The following AOPEP variants were observed in gnomAD, a reference collection of about 807,000 sequenced individuals.
The protein encoded by AOPEP is aminopeptidase O (putative).
In AOPEP, 77 loss-of-function variants were observed where a neutral mutation model predicts 98.1. The ratio of observed to expected loss-of-function variants is 0.78; its 90% confidence interval spans 0.65 to 0.95. AOPEP has a LOEUF of 0.95. AOPEP is among the 40% of genes least tolerant of loss of function. The probability of loss-of-function intolerance (pLI) is 0.00; values close to 1 mark genes in which losing one functional copy is unlikely to be tolerated. For synonymous variants in AOPEP, 346 were observed against 365.3 expected (o/e 0.95, Z 0.60); for missense variants, 1,024 against 1,024.7 (o/e 1.00, Z 0.01).
intron 5 of AOPEP, among the ~76,000 whole-genome samples, chr9:94,870,635 C>A (rs1165728863): frequency 6.6e-6 from 1 of 152,194 alleles, no homozygotes; most frequent in Non-Finnish European, 1.5e-5. Flanking sequence ...AGCAGTGAGC[C>A]AGCCTTGTCT....
chr9:94,820,087 A>G (rs1048945498), intron 5 of AOPEP, among the ~76,000 whole-genome samples: 1 of 151,646 alleles, frequency 6.6e-6, no homozygotes, highest in African/African-American at 2.4e-5. Flanking sequence ...CTGGGATTAC[A>G]GGTGCCCACC....
At chr9:95,028,451 A>T (rs1282790076) in intron 13 of AOPEP, among the ~76,000 whole-genome samples, 1 of 152,222 alleles carries the variant, frequency 6.6e-6, no homozygotes, top group Non-Finnish European at 1.5e-5. Flanking sequence ...TTCAGGTGCC[A>T]GCTGGAGAGC....
chr9:95,043,312 A>G (rs1271350141), intron 13 of AOPEP, among the ~76,000 whole-genome samples: 1 of 151,364 alleles, frequency 6.6e-6, no homozygotes, highest in East Asian at 1.9e-4. Context: ...ACATATACAG[A>G]TATATGCTAT....
Position 95,068,885 on chromosome 9 carries a change from C to T in AOPEP, c.2232+8075C>T, listed in dbSNP as rs570311308. Among the ~76,000 whole-genome samples the T allele has an allele frequency of 5.3e-5, 8 of 152,152 alleles. No individual in the cohort carries two copies. In the East Asian group the frequency reaches 7.7e-4, roughly 15 times the overall value. Reference sequence around the variant, plus strand: ...AAAACGTGATATGGCTAGAAATTGGCGGGGCTCAGGATGCCCCCTTTGAGT... The same window carrying T: ...AAAACGTGATATGGCTAGAAATTGGTGGGGCTCAGGATGCCCCCTTTGAGT... On this transcript the variant is annotated intron_variant, in intron 14 of 16. Transcript: ENST00000375315.
chr9:94,807,955 C>T (rs1222383164), intron 5 of AOPEP, among the ~76,000 whole-genome samples: 2 of 152,196 alleles, frequency 1.3e-5, no homozygotes, highest in African/African-American at 4.8e-5. Context: ...GGCCTGTTTG[C>T]ATAAAGTGGG....
the AOPEP span, among the ~76,000 whole-genome samples, chr9:95,092,259 T>C: frequency 6.6e-6 from 1 of 152,256 alleles, no homozygotes; most frequent in African/African-American, 2.4e-5. Flanking sequence ...GCCCCAGGAC[T>C]TAAAGGGGGT....
At position 94,872,001 on chromosome 9, in the gene AOPEP, C is replaced by T. The variant is rs571997055; in HGVS notation, c.1365-51985C>T. ...CCAGCCTGGGCAACAGAGGGAGACC[C>T]TGTCTCAAAGAAGAAAAAAAAGACG... On this transcript the variant is annotated intron_variant, in intron 5 of 16. Coordinates refer to ENST00000375315, the MANE Select transcript of AOPEP (RefSeq NM_001193329.3). Among the ~76,000 whole-genome samples the T allele has an allele frequency of 2.6e-5, 4 of 151,576 alleles. No homozygotes were observed. The East Asian group carries it at 7.7e-4, about 29-fold the overall frequency.
chr9:94,870,988 T>C (rs2046283730), intron 5 of AOPEP, among the ~76,000 whole-genome samples: 1 of 152,210 alleles, frequency 6.6e-6, no homozygotes, highest in African/African-American at 2.4e-5. Context: ...AGTGCACATG[T>C]GGGCTGTTCC....
chr9:94,925,912 A>C (rs1429748698), intron 6 of AOPEP, among the ~76,000 whole-genome samples: 1 of 152,192 alleles, frequency 6.6e-6, no homozygotes, highest in Non-Finnish European at 1.5e-5. Context: ...GGTGTGAATG[A>C]GCTTAGCACA....
At chr9:94,977,597 C>CCA (rs549823724) in intron 10 of AOPEP, among the ~76,000 whole-genome samples, 1 of 152,146 alleles carries the variant, frequency 6.6e-6, no homozygotes, top group Non-Finnish European at 1.5e-5. Context: ...CCTGCCTCCA[C>CCA]CACACACACA....
chr9:95,149,418 T>G, the AOPEP span, among the ~76,000 whole-genome samples: 9 of 151,928 alleles, frequency 5.9e-5, no homozygotes, highest in Non-Finnish European at 1.2e-4. Context: ...AACCTTCACA[T>G]GTACCCCCAA....
chr9:94,755,016 A>G (rs1444359498), intron 1 of AOPEP, among the ~76,000 whole-genome samples: 1 of 152,212 alleles, frequency 6.6e-6, no homozygotes, highest in Non-Finnish European at 1.5e-5. Context: ...AATCCTTTCA[A>G]AGCCTTTAAT....
rs368705058 is a variant in AOPEP, at chr9:94,760,427, G to T, written c.644G>T (p.Cys215Phe). The T allele has an allele frequency of 2.5e-6, 4 of 1,613,998 alleles. No individual in the cohort carries two copies. The highest frequency in any genetic ancestry group is 3.4e-6 in the Non-Finnish European group (4 of 1,179,924). ...GCTCGCTGCAGCCAGGCTCCTGGCT[G>T]TGGGGAACTCCTCTTTGACACTGAC... ...YYARCSQAPG[C>F]GELLFDTDTW... Residue 215 changes from cysteine (C) to phenylalanine (F), a missense_variant, in exon 2 of 17, where the codon TGT becomes TTT. Transcript: ENST00000375315.
intron 5 of AOPEP, among the ~76,000 whole-genome samples, chr9:94,858,155 G>A (rs982403141): frequency 4.6e-5 from 7 of 151,988 alleles, no homozygotes; most frequent in Admixed American, 2.0e-4. Flanking sequence ...CCGATTTTCC[G>A]ATTCCTCAAT....
chr9:94,727,210 T>C (rs950826636), intron 1 of AOPEP, among the ~76,000 whole-genome samples: 2 of 152,240 alleles, frequency 1.3e-5, no homozygotes, highest in African/African-American at 4.8e-5. Context: ...GGATCTTTAC[T>C]GAGAGCACCA....
intron 3 of AOPEP, among the ~76,000 whole-genome samples, chr9:94,775,196 T>TA (rs1443674452): frequency 2.0e-5 from 3 of 152,176 alleles, no homozygotes. Context: ...TATAACTCTT[T>TA]AATCAGTCTG....
the AOPEP span, among the ~76,000 whole-genome samples, chr9:95,128,604 G>A: frequency 8.5e-5 from 13 of 152,190 alleles, no homozygotes; most frequent in African/African-American, 2.9e-4. Flanking sequence ...AAGGAAGACA[G>A]CTCTTACTCA....
chr9:94,729,034 C>G (rs1179516740), intron 1 of AOPEP, among the ~76,000 whole-genome samples: 1 of 151,862 alleles, frequency 6.6e-6, no homozygotes, highest in Non-Finnish European at 1.5e-5. Context: ...GAAGGGTTGC[C>G]TGTCCAGGAA....
the AOPEP span, among the ~76,000 whole-genome samples, chr9:95,149,654 T>C: frequency 6.6e-6 from 1 of 152,032 alleles, no homozygotes; most frequent in Non-Finnish European, 1.5e-5. Context: ...AATTTTTGCA[T>C]TTTTAGTAGA....
Sources: allele counts gnomAD v4.1 joint callset (sites outside exome capture counted in the v4.1 genomes callset), GRCh38; gene constraint gnomAD v4.1.1; transcripts MANE v1.5; gene names NCBI Gene and HGNC (gene_info 2026-07-23, HGNC 2026-07-21).